NELL2: variants seen among roughly 807,000 people sequenced by gnomAD.
NELL2 encodes neural EGFL like 2, also known as protein kinase C-binding protein NELL2.
NELL2 carries 41 observed loss-of-function variants against 109.6 expected under a neutral mutation model. The ratio of observed to expected loss-of-function variants is 0.37; its 90% confidence interval spans 0.29 to 0.49. The LOEUF is 0.49. Ranked by LOEUF, NELL2 falls within the 20% of genes least tolerant of loss-of-function variation. The pLI, the probability that NELL2 is intolerant of heterozygous loss-of-function variation, is 0.98. For missense variants in NELL2, 900 were observed against 1,008.3 expected (o/e 0.89, Z 1.45); for synonymous variants, 355 against 344.7 (o/e 1.03, Z -0.33).
intron 13 of NELL2, among the ~76,000 whole-genome samples, chr12:44,631,705 G>A (rs1466993625): frequency 6.6e-6 from 1 of 152,018 alleles, no homozygotes; most frequent in African/African-American, 2.4e-5. Flanking sequence ...TATTAAAAAA[G>A]TAGATTCTAT....
chr12:44,826,933 A>G (rs867514647), intron 2 of NELL2, among the ~76,000 whole-genome samples: 3 of 152,214 alleles, frequency 2.0e-5, no homozygotes, highest in South Asian at 2.1e-4. Flanking sequence ...AATAAATTGC[A>G]CTTGATCTTA....
intron 15 of NELL2, among the ~76,000 whole-genome samples, chr12:44,589,206 C>A (rs1006618428): frequency 1.3e-5 from 2 of 151,616 alleles, no homozygotes; most frequent in Admixed American, 6.6e-5. Flanking sequence ...GTTGAAAATT[C>A]TTTCTGAGTT....
intron 2 of NELL2, among the ~76,000 whole-genome samples, chr12:44,816,961 T>C (rs1372753799): frequency 6.6e-6 from 1 of 152,240 alleles, no homozygotes; most frequent in Non-Finnish European, 1.5e-5. Context: ...GCTCTCCTAT[T>C]CACAGTGTAC....
rs1330862857 is a variant in NELL2 at position 44,659,020 on chromosome 12, A to C, written c.1444+6464T>G. ...AAACAGATATATAGACCAATGGAAC[A>C]GAACACAGGCCTCAGAAATAACACC... On this transcript the variant is annotated intron_variant, in intron 13 of 19. Transcript: ENST00000429094. 3.3e-5 allele frequency among the ~76,000 whole-genome samples: 5 copies of C among 152,302 alleles called. No individual in the cohort carries two copies. In the East Asian group the frequency reaches 9.6e-4, roughly 29 times the overall value.
At chr12:44,518,151 T>C (rs1941358017) in intron 19 of NELL2, among the ~76,000 whole-genome samples, 1 of 152,126 alleles carries the variant, frequency 6.6e-6, no homozygotes, top group South Asian at 2.1e-4. Flanking sequence ...ATGACTTTAA[T>C]ATCAAAATAC....
At chr12:44,802,893 G>A (rs764429590) in intron 3 of NELL2, among the ~76,000 whole-genome samples, 5 of 152,002 alleles carry the variant, frequency 3.3e-5, no homozygotes, top group Non-Finnish European at 5.9e-5. Flanking sequence ...GCAGGTGGGT[G>A]AAGGTCTGAT....
At chr12:44,737,369 T>C (rs1939706550) in intron 9 of NELL2, among the ~76,000 whole-genome samples, 1 of 143,542 alleles carries the variant, frequency 7.0e-6, no homozygotes, top group Non-Finnish European at 1.6e-5. Flanking sequence ...TTTTTTATAA[T>C]AAACAAAAAA....
chr12:44,787,187 A>G (rs1323934994), intron 3 of NELL2, among the ~76,000 whole-genome samples: 1 of 152,160 alleles, frequency 6.6e-6, no homozygotes, highest in Non-Finnish European at 1.5e-5. Context: ...TACACAGAAA[A>G]TTTAAAACTA....
At chr12:44,668,198 C>T (rs1336906326) in intron 12 of NELL2, among the ~76,000 whole-genome samples, 1 of 152,178 alleles carries the variant, frequency 6.6e-6, no homozygotes, top group Non-Finnish European at 1.5e-5. Flanking sequence ...CAATGTCCTA[C>T]ACACTGGGGA....
chr12:44,862,803 A>G (rs1944879941), intron 2 of NELL2, among the ~76,000 whole-genome samples: 1 of 152,218 alleles, frequency 6.6e-6, no homozygotes, highest in South Asian at 2.1e-4. Flanking sequence ...GGATCTGTGA[A>G]CTCAAAGACA....
chr12:44,826,432 C>G (rs909459200), intron 2 of NELL2, among the ~76,000 whole-genome samples: 1 of 152,150 alleles, frequency 6.6e-6, no homozygotes, highest in Non-Finnish European at 1.5e-5. Context: ...TAGTTACTCT[C>G]CATTGCTCTT....
At chr12:44,776,520 A>T (rs113312657) in intron 7 of NELL2, among the ~76,000 whole-genome samples, 1 of 152,220 alleles carries the variant, frequency 6.6e-6, no homozygotes, top group African/African-American at 2.4e-5. Flanking sequence ...TATGTTGTAT[A>T]AGAAACAAAT....
intron 12 of NELL2, among the ~76,000 whole-genome samples, chr12:44,701,333 T>C (rs1290699525): frequency 6.6e-6 from 1 of 152,094 alleles, no homozygotes; most frequent in South Asian, 2.1e-4. Context: ...TTCTTATGTT[T>C]TGAAGATTAT....
At chr12:44,778,646 T>G (rs901936342) in intron 5 of NELL2, among the ~76,000 whole-genome samples, 4 of 152,068 alleles carry the variant, frequency 2.6e-5, no homozygotes, top group African/African-American at 9.7e-5. Context: ...AAGCGCATGG[T>G]TTTAGGATTT....
At chr12:44,666,504 G>A (rs1376499281) in intron 12 of NELL2, among the ~76,000 whole-genome samples, 2 of 152,136 alleles carry the variant, frequency 1.3e-5, no homozygotes, top group African/African-American at 2.4e-5. Context: ...ATACTGTTAA[G>A]AGAAATGGAT....
At chr12:44,873,607 A>C (rs2136840484) in intron 2 of NELL2, among the ~76,000 whole-genome samples, 1 of 152,232 alleles carries the variant, frequency 6.6e-6, no homozygotes, top group Non-Finnish European at 1.5e-5. Context: ...GCACTACAAT[A>C]CCATTTGTTT....
chr12:44,905,689 G>T (rs374215221), intron 1 of NELL2, among the ~76,000 whole-genome samples: 1 of 151,934 alleles, frequency 6.6e-6, no homozygotes, highest in Non-Finnish European at 1.5e-5. Context: ...TCTCTGGCCC[G>T]TATCAAGATC....
chr12:44,552,961 A>T, intron 15 of NELL2, among the ~76,000 whole-genome samples: 1 of 152,030 alleles, frequency 6.6e-6, no homozygotes, highest in East Asian at 1.9e-4. Flanking sequence ...GACTCTGCAG[A>T]GTTGGTTAAA....
intron 1 of NELL2, among the ~76,000 whole-genome samples, chr12:44,900,864 C>T (rs1256461792): frequency 6.6e-6 from 1 of 152,152 alleles, no homozygotes; most frequent in Non-Finnish European, 1.5e-5. Context: ...TGGCATGCAG[C>T]TGTAGTCCCA....
Sources: gnomAD v4.1 joint callset for allele counts (sites outside exome capture counted in the v4.1 genomes callset) on GRCh38, gnomAD v4.1.1 for gene constraint, MANE v1.5 for transcripts, NCBI Gene and HGNC (gene_info 2026-07-23, HGNC 2026-07-21) for gene names.